SBDS: variants seen among roughly 807,000 people sequenced by gnomAD.
SBDS encodes SBDS ribosome maturation factor, also known as ribosome maturation protein SBDS.
SBDS carries 20 observed loss-of-function variants against 26.4 expected under a neutral mutation model. The ratio of observed to expected loss-of-function variants is 0.76; its 90% CI spans 0.53 to 1.10. The LOEUF (loss-of-function observed/expected upper bound fraction) is 1.10. Among genes scored for constraint, SBDS ranks in the 50% least tolerant of loss-of-function variants. SBDS has a pLI of 0.00. For synonymous variants in SBDS, 95 were observed against 105.1 expected (o/e 0.90, Z 0.59); for missense variants, 241 against 302.0 (o/e 0.80, Z 1.50).
chr7:66,994,111 G>A (rs1170310831), intron 2 of SBDS, 101 bp downstream of exon 2: 10 of 1,114,742 alleles, frequency 9.0e-6, no homozygotes, highest in Non-Finnish European at 1.4e-5. Context: ...ATTATTGCTT[G>A]GTTAGTCTTT....
intron 4 of SBDS, among the ~76,000 whole-genome samples, chr7:66,990,818 C>T (rs1259965445): frequency 2.6e-5 from 4 of 152,154 alleles, no homozygotes; most frequent in East Asian, 3.9e-4. Context: ...AGATCAAGAC[C>T]GTCCTGGCTA....
At chr7:66,993,692 G>A (rs140784052) in intron 2 of SBDS, among the ~76,000 whole-genome samples, 2,367 of 152,084 alleles carry the variant, frequency 0.016, 19 homozygotes, top group Non-Finnish European at 0.022. Flanking sequence ...TGGCCAACAT[G>A]GTGAAACCCC....
chr7:66,988,526 C>G, intron 4 of SBDS, 27 bp from the exon 5 acceptor site: 1 of 1,611,382 alleles, frequency 6.2e-7, no homozygotes, highest in East Asian at 2.2e-5. Context: ...AGCAGATTAC[C>G]ACATGAGGAT....
In SBDS at chr7:66,993,382, T is replaced by C. The variant is rs902105050; in HGVS notation, c.294A>G (p.Lys98=). 6.2e-6 allele frequency: 10 copies of C among 1,613,994 alleles called. No individual in the cohort carries two copies. The highest frequency in any genetic ancestry group is 1.6e-4 in the Middle Eastern group (1 of 6,084). Residue 98 remains lysine (K), a synonymous_variant, in exon 3 of 5, where the codon AAA becomes AAG. Transcript: ENST00000246868. ...LTKGEVQVSD[K]ERHTQLEQMF... is the part of the protein sequence containing the mutation. ...TCTGCTCCAGTTGTGTGTGTCTTTC[T>C]TTATCTGATACTTGAACTTCTCCTT...
chr7:66,990,754 C>T (rs1038219409), intron 4 of SBDS, among the ~76,000 whole-genome samples: 2 of 152,130 alleles, frequency 1.3e-5, no homozygotes, highest in Admixed American at 1.3e-4. Flanking sequence ...CGGTGGCTCA[C>T]GCCTGTAATC....
chr7:66,995,391 CTGGT>C lies in SBDS; in HGVS notation c.23_26del (p.Asn8ArgfsTer4), dbSNP rs1387685388. 1 of 1,613,930 alleles carries C rather than the reference CTGGT, an allele frequency of 6.2e-7. No individual in the cohort carries two copies. The highest frequency in any genetic ancestry group is 8.5e-7 in the Non-Finnish European group (1 of 1,180,018). Reference sequence around the variant, plus strand: ...CCACGGCCACATTGGTTAGGCGGATCTGGTTGGTGGGGGTGAAGATCGACATCGC... The same window carrying C: ...CCACGGCCACATTGGTTAGGCGGATCTGGTGGGGGTGAAGATCGACATCGC... On this transcript the variant is annotated frameshift_variant, in exon 1 of 5. Transcript: ENST00000246868. LOFTEE classifies it high-confidence loss of function.
chr7:66,993,094 C>G, intron 3 of SBDS, 123 bp downstream of exon 3: 4 of 917,206 alleles, frequency 4.4e-6, no homozygotes, highest in Non-Finnish European at 7.2e-6. Context: ...CATCTTGGCT[C>G]CCAAAGTGCT....
chr7:66,994,282 C>G lies in SBDS; in HGVS notation c.188G>C (p.Gly63Ala). 6.2e-7 allele frequency: 1 copy of G among 1,614,086 alleles called. No homozygotes were observed. The highest frequency in any genetic ancestry group is 8.5e-7 in the Non-Finnish European group (1 of 1,179,972). The change falls in exon 2 of 5, where the codon GGT becomes GCT. Residue 63 changes from glycine (G) to alanine (A), a missense_variant. By Grantham distance (60) the Gly-to-Ala change is moderately conservative. Coordinates refer to ENST00000246868, the MANE Select transcript of SBDS (RefSeq NM_016038.4). Reference sequence around the variant, plus strand: ...GAGATCTTCCTTTTTGGCAACCTGACCTTTAGAAACATTTACAAACACTGA... The same window carrying G: ...GAGATCTTCCTTTTTGGCAACCTGAGCTTTAGAAACATTTACAAACACTGA... ...THSVFVNVSK[G>A]QVAKKEDLIS...
chr7:66,993,564 C>T (rs1793020681), intron 2 of SBDS, 147 bp from the exon 3 acceptor site: 2 of 712,708 alleles, frequency 2.8e-6, no homozygotes, highest in Admixed American at 4.6e-5. Context: ...ATGGTTTGAG[C>T]TTTGCCCAAA....
Position 66,988,086 on chromosome 7 carries a change from T to C in SBDS, c.*285A>G, listed in dbSNP as rs184018429. On this transcript the variant is annotated 3_prime_UTR_variant, in exon 5 of 5. Transcript: ENST00000246868. Reference sequence around the variant, plus strand: ...AGAGCTGCCTCAAGTAACTTTCATTTTGGAAAGCTATCAAGGCATGAGACA... The same window carrying C: ...AGAGCTGCCTCAAGTAACTTTCATTCTGGAAAGCTATCAAGGCATGAGACA... The C allele has an allele frequency of 2.7e-5, 12 of 438,394 alleles. No homozygotes were observed. The highest frequency in any genetic ancestry group is 1.6e-4 in the African/African-American group (8 of 51,058). The allele number at this position is 438,394 out of a possible 1,614,324, so 27.2% of individuals were successfully genotyped here. A position where few individuals can be genotyped will look rare whatever the true frequency, so the allele number is the denominator to read the frequency against.
chr7:66,994,870 A>T (rs1042875818), intron 1 of SBDS, among the ~76,000 whole-genome samples: 2 of 152,202 alleles, frequency 1.3e-5, no homozygotes, highest in Non-Finnish European at 2.9e-5. Context: ...GCTGCCACGG[A>T]ATGCCAGTCC....
intron 3 of SBDS, among the ~76,000 whole-genome samples, chr7:66,992,807 A>G (rs1399120132): frequency 6.6e-6 from 1 of 152,046 alleles, no homozygotes; most frequent in African/African-American, 2.4e-5. Flanking sequence ...CAGGAGTTCA[A>G]GACCAGCCTG....
At chr7:66,990,844 G>A (rs185198410) in intron 4 of SBDS, among the ~76,000 whole-genome samples, 21 of 152,060 alleles carry the variant, frequency 1.4e-4, no homozygotes, top group African/African-American at 4.3e-4. Context: ...GTGAAACTCC[G>A]TCTCTACTAA....
chr7:66,989,358 C>G (rs904445249), intron 4 of SBDS, among the ~76,000 whole-genome samples: 4 of 150,428 alleles, frequency 2.7e-5, no homozygotes, highest in African/African-American at 9.8e-5. Flanking sequence ...CCAGCCTGAC[C>G]AACATGGAGA....
At chr7:66,992,999 T>G (rs1375837704) in intron 3 of SBDS, among the ~76,000 whole-genome samples, 3 of 148,024 alleles carry the variant, frequency 2.0e-5, no homozygotes, top group Admixed American at 6.8e-5. Flanking sequence ...AGAGTAAGAC[T>G]CTGTCTCAAA....
Position 66,993,161 on chromosome 7 carries a change from C to A in SBDS, c.459+56G>T, listed in dbSNP as rs1793011962. On this transcript the variant is annotated intron_variant, in intron 3 of 4. Coordinates refer to ENST00000246868, the MANE Select transcript of SBDS (RefSeq NM_016038.4). ...CCCAGACCCATTATTTTAATGATTT[C>A]TTCAGAGAAAACTGATTTCCATGGC... is the stretch of plus-strand genomic sequence containing the variant. The A allele has an allele frequency of 5.4e-6, 8 of 1,481,698 alleles. No individual in the cohort carries two copies. The South Asian group carries it at 7.9e-5, about 15-fold the overall frequency. The allele number at this position is 1,481,698 out of a possible 1,614,324, so 91.8% of individuals were successfully genotyped here. A position where few individuals can be genotyped will look rare whatever the true frequency, so the allele number is the denominator to read the frequency against.
At position 66,995,399 on chromosome 7, in the gene SBDS, T is replaced by C. The variant is rs1476376637; in HGVS notation, c.19A>G (p.Thr7Ala). Residue 7 changes from threonine to alanine, a missense_variant, in exon 1 of 5, where the codon ACC becomes GCC. Coordinates refer to ENST00000246868, the MANE Select transcript of SBDS (RefSeq NM_016038.4). ...ACATTGGTTAGGCGGATCTGGTTGGTGGGGGTGAAGATCGACATCGCGGCT... is the reference window on the plus strand; with the variant it reads ...ACATTGGTTAGGCGGATCTGGTTGGCGGGGGTGAAGATCGACATCGCGGCT... MSIFTP[T>A]NQIRLTNVAV... is the part of the protein sequence containing the mutation. 6.2e-7 allele frequency: 1 copy of C among 1,613,928 alleles called. No homozygotes were observed. Among genetic ancestry groups the C allele is most frequent in the South Asian group, 1.1e-5 (1 of 91,080 alleles).
rs1792897447 is a variant in SBDS at position 66,987,724 on chromosome 7, A to ATTGAT, written c.*642_*646dup. ...GTTTAATAAACATAAGAGTGGTTTT[A>ATTGAT]TTGATTACATACAATTTTAGCTATA... is the stretch of plus-strand genomic sequence containing the variant. On this transcript the variant is annotated 3_prime_UTR_variant, in exon 5 of 5. Transcript: ENST00000246868. 1 of 169,410 alleles carries ATTGAT rather than the reference A, an allele frequency of 5.9e-6. No homozygotes were observed. The highest frequency in any genetic ancestry group is 1.3e-5 in the Non-Finnish European group (1 of 78,004). The allele number at this position is 169,410 out of a possible 1,614,324, so 10.5% of individuals were successfully genotyped here.
intron 1 of SBDS, 74 bp downstream of exon 1, chr7:66,995,216 C>T (rs1562955905): frequency 6.2e-7 from 1 of 1,602,806 alleles, no homozygotes; most frequent in Non-Finnish European, 8.5e-7. Context: ...ATTCACTCGA[C>T]TTGGGCAGAG....
Sources: gnomAD v4.1 joint callset for allele counts (sites outside exome capture counted in the v4.1 genomes callset) on GRCh38, gnomAD v4.1.1 for gene constraint, MANE v1.5 for transcripts, NCBI Gene and HGNC (gene_info 2026-07-23, HGNC 2026-07-21) for gene names.